Variants in SEC24D observed in about 807,000 individuals in gnomAD.
The protein encoded by SEC24D is protein transport protein Sec24D.
A neutral mutation model predicts 116.9 loss-of-function variants in SEC24D; 69 were observed. The ratio of observed to expected loss-of-function variants is 0.59; its 90% confidence interval spans 0.49 to 0.72. The LOEUF is 0.72. Among genes scored for constraint, SEC24D ranks in the 30% least tolerant of loss-of-function variants. The probability of loss-of-function intolerance (pLI) is 0.00; values close to 1 mark genes in which losing one functional copy is unlikely to be tolerated. For synonymous variants in SEC24D, 405 were observed against 442.8 expected (o/e 0.91, Z 1.07); for missense variants, 1,131 against 1,264.1 (o/e 0.89, Z 1.60).
intron 8 of SEC24D, among the ~76,000 whole-genome samples, chr4:118,783,952 G>A (rs1006597946): frequency 6.6e-6 from 1 of 152,162 alleles, no homozygotes; most frequent in South Asian, 2.1e-4. Flanking sequence ...CCTGTAATAC[G>A]AGCAATTTGG....
In SEC24D at chr4:118,779,346, G is replaced by A. The variant is rs184468966; in HGVS notation, c.1042-11035C>T. On this transcript the variant is annotated intron_variant, in intron 8 of 22. Coordinates refer to ENST00000280551, the MANE Select transcript of SEC24D (RefSeq NM_014822.4). ...GAATTTTGTCAAAGGCCTTTTCTGC[G>A]TCTATTGAGATAATCATGTGGTTTT... Among the ~76,000 whole-genome samples, 1,167 of 152,124 alleles carry A rather than the reference G, an allele frequency of 7.7e-3. 16 individuals are homozygous for A. The highest frequency in any genetic ancestry group is 0.025 in the African/African-American group (1,042 of 41,506).
intron 2 of SEC24D, 25 bp downstream of exon 2, chr4:118,833,550 CACAT>C (rs1281753284): frequency 6.9e-6 from 10 of 1,451,560 alleles, no homozygotes; most frequent in Non-Finnish European, 9.6e-6. Flanking sequence ...ACTGAATAAT[CACAT>C]ACAAGTCAAA....
At chr4:118,755,704 G>C (rs940688703) in intron 11 of SEC24D, among the ~76,000 whole-genome samples, 12 of 152,004 alleles carry the variant, frequency 7.9e-5, no homozygotes, top group African/African-American at 2.4e-4. Context: ...TTAAAAAGCT[G>C]TTTGGCAAGT....
At chr4:118,795,412 T>C (rs1729135693) in intron 8 of SEC24D, among the ~76,000 whole-genome samples, 1 of 152,048 alleles carries the variant, frequency 6.6e-6, no homozygotes, top group South Asian at 2.1e-4. Flanking sequence ...TTTCATCATA[T>C]TGGTCAGGCT....
At chr4:118,814,316 A>G (rs1730045229) in intron 6 of SEC24D, among the ~76,000 whole-genome samples, 1 of 152,186 alleles carries the variant, frequency 6.6e-6, no homozygotes, top group Non-Finnish European at 1.5e-5. Flanking sequence ...TTTCCTCCCT[A>G]TGCCACAAAA....
chr4:118,817,976 A>G (rs1042635977), intron 3 of SEC24D, among the ~76,000 whole-genome samples: 1 of 152,110 alleles, frequency 6.6e-6, no homozygotes, highest in Non-Finnish European at 1.5e-5. Context: ...GGTCAAGACT[A>G]CAGTGAGCTG....
chr4:118,738,804 T>G (rs1354135083), intron 18 of SEC24D, among the ~76,000 whole-genome samples: 1 of 152,138 alleles, frequency 6.6e-6, no homozygotes, highest in African/African-American at 2.4e-5. Flanking sequence ...ATAAGCAAGT[T>G]TAGTCTAACA....
intron 22 of SEC24D, among the ~76,000 whole-genome samples, chr4:118,724,686 T>C (rs1163555055): frequency 6.6e-6 from 1 of 152,070 alleles, no homozygotes; most frequent in Non-Finnish European, 1.5e-5. Context: ...AGAGAGGCAG[T>C]TTTGTCATGA....
intron 10 of SEC24D, among the ~76,000 whole-genome samples, chr4:118,761,063 T>C (rs1166254932): frequency 6.6e-6 from 1 of 152,032 alleles, no homozygotes; most frequent in Non-Finnish European, 1.5e-5. Flanking sequence ...ACTACCCTCA[T>C]TTTCTCATAG....
At chr4:118,813,950 G>C (rs1730025807) in intron 6 of SEC24D, among the ~76,000 whole-genome samples, 1 of 152,094 alleles carries the variant, frequency 6.6e-6, no homozygotes. Flanking sequence ...GAAAAACCGG[G>C]AACCCACTGG....
intron 13 of SEC24D, among the ~76,000 whole-genome samples, chr4:118,748,082 G>A (rs1009860582): frequency 5.9e-5 from 9 of 152,044 alleles, no homozygotes; most frequent in African/African-American, 2.2e-4. Flanking sequence ...TGCCTAACAC[G>A]GTGAAACCCC....
intron 8 of SEC24D, among the ~76,000 whole-genome samples, chr4:118,770,930 A>G (rs1432562785): frequency 6.6e-6 from 1 of 152,214 alleles, no homozygotes; most frequent in Non-Finnish European, 1.5e-5. Flanking sequence ...AGGTCTTCAG[A>G]AAACTGAGGT....
chr4:118,822,047 T>C (rs576523403), intron 3 of SEC24D, among the ~76,000 whole-genome samples: 1 of 152,144 alleles, frequency 6.6e-6, no homozygotes, highest in Non-Finnish European at 1.5e-5. Flanking sequence ...CTGTCATGAG[T>C]AACTAGATTG....
intron 3 of SEC24D, 97 bp from the exon 4 acceptor site, chr4:118,817,509 C>G: frequency 1.0e-6 from 1 of 992,534 alleles, no homozygotes; most frequent in South Asian, 2.0e-5. Flanking sequence ...TTAAGCCTGT[C>G]TAGTAGGCCT....
At chr4:118,778,587 C>T (rs535302015) in intron 8 of SEC24D, among the ~76,000 whole-genome samples, 2 of 152,292 alleles carry the variant, frequency 1.3e-5, no homozygotes, top group South Asian at 4.1e-4. Context: ...TTTGGCAATG[C>T]AGGCTCTTTT....
rs1729536582 is a variant in SEC24D, at chr4:118,803,391, T to C, written c.913+2452A>G. 2.6e-5 allele frequency among the ~76,000 whole-genome samples: 4 copies of C among 152,114 alleles called. No individual in the cohort carries two copies. In the South Asian group the frequency reaches 8.3e-4, roughly 31 times the overall value. On this transcript the variant is annotated intron_variant, in intron 7 of 22. Transcript: ENST00000280551. Reference sequence around the variant, plus strand: ...ACTACCGTACTTCAGCACATTCACCTCCTCTGCCTGGCAACCCTCCCCTCC... The same window carrying C: ...ACTACCGTACTTCAGCACATTCACCCCCTCTGCCTGGCAACCCTCCCCTCC...
chr4:118,816,681 C>T, intron 4 of SEC24D: 1 of 316,058 alleles, frequency 3.2e-6, no homozygotes, highest in Non-Finnish European at 6.3e-6. Context: ...AACATGGAAA[C>T]ATTCTTCATC....
chr4:118,815,654 C>G lies in SEC24D; in HGVS notation c.470G>C (p.Arg157Pro). The change falls in exon 5 of 23, where the codon CGA becomes CCA. Residue 157 changes from arginine to proline, a missense_variant. Arg to Pro is a moderately radical substitution (Grantham distance 103, BLOSUM62 -2). Transcript: ENST00000280551. ...CTGCAAAATGGAAGGCTGTGGAGGT[C>G]GTGGAGGAGTCTGCAATGATGTGGC... Reference protein sequence around the residue: ...LSATSLQTPPRPPQPSILQPG... With the variant: ...LSATSLQTPPPPPQPSILQPG... 2 of 1,614,034 alleles carry G rather than the reference C, an allele frequency of 1.2e-6. No homozygotes were observed. The highest frequency in any genetic ancestry group is 1.7e-6 in the Non-Finnish European group (2 of 1,179,974).
At chr4:118,767,399 A>G (rs1463263976) in intron 9 of SEC24D, among the ~76,000 whole-genome samples, 1 of 152,198 alleles carries the variant, frequency 6.6e-6, no homozygotes, top group Admixed American at 6.5e-5. Context: ...TTCAGATCTA[A>G]TTACCTGCAG....
Sources: allele counts gnomAD v4.1 joint callset (sites outside exome capture counted in the v4.1 genomes callset), GRCh38; gene constraint gnomAD v4.1.1; transcripts MANE v1.5; gene names NCBI Gene and HGNC (gene_info 2026-07-23, HGNC 2026-07-21).